MYRIP: variants seen among roughly 807,000 people sequenced by gnomAD.
The protein encoded by MYRIP is myosin VIIA and Rab interacting protein, also known as rab effector MyRIP.
Under a neutral mutation model 98.0 loss-of-function variants are expected in MYRIP, and 49 were observed. The observed-to-expected ratio is 0.50, with a 90% CI of 0.40 to 0.63. The LOEUF is 0.63. MYRIP is among the 30% of genes least tolerant of loss of function. MYRIP has a pLI of 0.00. For missense variants in MYRIP, 1,004 were observed against 1,058.2 expected (o/e 0.95, Z 0.71); for synonymous variants, 404 against 409.5 (o/e 0.99, Z 0.16).
chr3:40,146,395 A>C (rs1950011549), intron 3 of MYRIP, among the ~76,000 whole-genome samples: 1 of 152,236 alleles, frequency 6.6e-6, no homozygotes, highest in African/African-American at 2.4e-5. Context: ...CAGTGTGAAC[A>C]TTGTATGTAC....
intron 4 of MYRIP, among the ~76,000 whole-genome samples, chr3:40,155,064 A>G (rs1296929850): frequency 6.6e-6 from 1 of 151,964 alleles, no homozygotes; most frequent in South Asian, 2.1e-4. Flanking sequence ...ATATGTATAC[A>G]TGTGCCATGC....
chr3:39,967,314 GCACC>G (rs1945465768), intron 2 of MYRIP, among the ~76,000 whole-genome samples: 1 of 151,994 alleles, frequency 6.6e-6, no homozygotes, highest in South Asian at 2.1e-4. Context: ...TTATCACTTA[GCACC>G]CATTCATAAG....
intron 11 of MYRIP, among the ~76,000 whole-genome samples, chr3:40,212,153 C>CGTGTGTGTGT (rs1559456591): frequency 2.8e-4 from 2 of 7,032 alleles, no homozygotes; most frequent in Admixed American, 4.1e-3. Flanking sequence ...CATATATATA[C>CGTGTGTGTGT]GTGTATATAT....
At chr3:39,857,361 A>AG in intron 1 of MYRIP, among the ~76,000 whole-genome samples, 1 of 152,346 alleles carries the variant, frequency 6.6e-6, no homozygotes, top group East Asian at 1.9e-4. Flanking sequence ...AAAGACAGCT[A>AG]AAGGAAATTA....
At chr3:40,185,184 G>A (rs1950995312) in intron 9 of MYRIP, among the ~76,000 whole-genome samples, 1 of 152,216 alleles carries the variant, frequency 6.6e-6, no homozygotes, top group African/African-American at 2.4e-5. Flanking sequence ...GGTTGATTCA[G>A]GAGCCTGTTC....
rs77494359 is a variant in MYRIP, at chr3:40,083,349, G to T, written c.332+39078G>T. Among the ~76,000 whole-genome samples the T allele has an allele frequency of 2.2e-3, 330 of 152,346 alleles. 3 individuals carry two copies. Among genetic ancestry groups the T allele is most frequent in the African/African-American group, 7.7e-3 (319 of 41,588 alleles). ...TGGTTAGACAAAGGTAGATTTGTCA[G>T]TGTTGGAGGCCAGAAGGGAAGAAGC... On this transcript the variant is annotated intron_variant, in intron 3 of 16. Transcript: ENST00000302541.
At chr3:40,218,577 A>G (rs1411097976) in intron 11 of MYRIP, among the ~76,000 whole-genome samples, 1 of 18,640 alleles carries the variant, frequency 5.4e-5, no homozygotes, top group African/African-American at 2.1e-4. Context: ...ACACATACAC[A>G]TTTACACACA....
intron 2 of MYRIP, among the ~76,000 whole-genome samples, chr3:39,987,306 C>T (rs1946054934): frequency 6.6e-6 from 1 of 152,174 alleles, no homozygotes; most frequent in Non-Finnish European, 1.5e-5. Flanking sequence ...TGGCTTTCAG[C>T]TTCATCCATG....
chr3:40,046,060 A>G lies in MYRIP; in HGVS notation c.332+1789A>G, dbSNP rs192101700. On this transcript the variant is annotated intron_variant, in intron 3 of 16. Coordinates refer to ENST00000302541, the MANE Select transcript of MYRIP (RefSeq NM_015460.4). ...GTGGTGACCATGGGAAGAGGAGACA[A>G]TGTCTAGAAGAAGAAGTTAAGGGAC... 3.3e-5 allele frequency among the ~76,000 whole-genome samples: 5 copies of G among 152,298 alleles called. No individual in the cohort carries two copies. In the East Asian group the frequency reaches 7.7e-4, roughly 24 times the overall value.
chr3:40,171,546 C>T (rs553579212), intron 8 of MYRIP, among the ~76,000 whole-genome samples: 4 of 152,286 alleles, frequency 2.6e-5, no homozygotes, highest in Admixed American at 2.6e-4. Flanking sequence ...TAGAAATTCC[C>T]ACAGCACCCC....
intron 2 of MYRIP, among the ~76,000 whole-genome samples, chr3:39,910,592 G>C (rs1262763332): frequency 6.6e-6 from 1 of 152,166 alleles, no homozygotes; most frequent in Non-Finnish European, 1.5e-5. Flanking sequence ...ATAAATGCTA[G>C]ATTTCAAAGA....
chr3:40,063,005 GA>G (rs956549648), intron 3 of MYRIP, among the ~76,000 whole-genome samples: 1 of 152,106 alleles, frequency 6.6e-6, no homozygotes, highest in East Asian at 1.9e-4. Flanking sequence ...GAATTTGAAG[GA>G]AAAAAAGATT....
intron 1 of MYRIP, among the ~76,000 whole-genome samples, chr3:39,879,031 A>G (rs927899201): frequency 3.3e-5 from 5 of 151,600 alleles, no homozygotes; most frequent in Non-Finnish European, 7.4e-5. Context: ...GCACCACTGC[A>G]CTCCAGCCTG....
chr3:40,036,682 G>T (rs1008748273), intron 2 of MYRIP, among the ~76,000 whole-genome samples: 1 of 152,082 alleles, frequency 6.6e-6, no homozygotes, highest in African/African-American at 2.4e-5. Flanking sequence ...TGCACGAGAT[G>T]CTGGAGAAGC....
At chr3:40,011,012 G>A (rs568250646) in intron 2 of MYRIP, among the ~76,000 whole-genome samples, 10 of 152,212 alleles carry the variant, frequency 6.6e-5, no homozygotes, top group African/African-American at 2.4e-4. Context: ...TAGTGGGGTG[G>A]CTCCCCCATG....
At chr3:39,962,634 C>G (rs1392294298) in intron 2 of MYRIP, among the ~76,000 whole-genome samples, 1 of 152,080 alleles carries the variant, frequency 6.6e-6, no homozygotes, top group Non-Finnish European at 1.5e-5. Flanking sequence ...GGCTGTAGTG[C>G]AGTTACTTCT....
At chr3:40,194,016 C>T (rs1021493453) in intron 10 of MYRIP, among the ~76,000 whole-genome samples, 1 of 151,950 alleles carries the variant, frequency 6.6e-6, no homozygotes, top group Non-Finnish European at 1.5e-5. Flanking sequence ...CTATTCTCTC[C>T]TTGTCTCTTT....
intron 13 of MYRIP, chr3:40,248,159 G>A (rs1174018520): frequency 1.3e-5 from 2 of 152,250 alleles, no homozygotes; most frequent in African/African-American, 2.4e-5. Context: ...TATTAGGACA[G>A]AGTCTAAGGA....
At chr3:40,044,303 C>T (rs1441509705) in intron 3 of MYRIP, 32 bp downstream of exon 3, 2 of 1,599,564 alleles carry the variant, frequency 1.3e-6, no homozygotes, top group Non-Finnish European at 8.6e-7. Context: ...AGGGTCTACA[C>T]TGTTGATTTA....
Sources: gnomAD v4.1 joint callset for allele counts (sites outside exome capture counted in the v4.1 genomes callset) on GRCh38, gnomAD v4.1.1 for gene constraint, MANE v1.5 for transcripts, NCBI Gene and HGNC (gene_info 2026-07-23, HGNC 2026-07-21) for gene names.